Variants in TRAPPC10 observed in about 807,000 individuals in gnomAD.
TRAPPC10 encodes the protein trafficking protein particle complex subunit 10.
A neutral mutation model predicts 125.5 loss-of-function variants in TRAPPC10; 23 were observed. That is an observed-to-expected ratio of 0.18 (90% CI 0.13 to 0.26). TRAPPC10 has a LOEUF of 0.26. Ranked by LOEUF, TRAPPC10 falls within the 10% of genes least tolerant of loss-of-function variation. The pLI is 1.00. For missense variants in TRAPPC10, 1,123 were observed against 1,308.4 expected, an observed-to-expected ratio of 0.86 and a Z score of 2.19; for synonymous variants, 509 against 518.0, an observed-to-expected ratio of 0.98 and a Z score of 0.24.
At chr21:44,047,209 G>T (rs556350674) in intron 3 of TRAPPC10, among the ~76,000 whole-genome samples, 2 of 152,128 alleles carry the variant, frequency 1.3e-5, no homozygotes, top group South Asian at 2.1e-4. Flanking sequence ...TTGAGGCAGG[G>T]TGTTACTCTG....
At position 44,082,201 on chromosome 21, in the gene TRAPPC10, C is replaced by G. The variant is rs1297713977; in HGVS notation, c.1724-587C>G. Among the ~76,000 whole-genome samples the G allele has an allele frequency of 1.4e-4, 22 of 152,244 alleles. No individual in the cohort carries two copies. Among genetic ancestry groups the G allele is most frequent in the East Asian group, 1.9e-4 (1 of 5,186 alleles). ...GCCTTGTGTATTTTCTAGACAAAAC[C>G]AAGGTACTTACAGTTCGGTCAGAGA... On this transcript the variant is annotated intron_variant, in intron 13 of 22. Transcript: ENST00000291574. This position sits in a 1 kb window ranked among gnomAD's most constrained non-coding sequence, Gnocchi z 4.4.
In TRAPPC10 at chr21:44,044,696, C is replaced by T. The variant is rs1329247070; in HGVS notation, c.285+6769C>T. 6.1e-5 allele frequency among the ~76,000 whole-genome samples: 7 copies of T among 114,028 alleles called. No homozygotes were observed. In the East Asian group the frequency reaches 1.1e-3, roughly 18 times the overall value. 74.8% of individuals were successfully genotyped at this position (114,028 alleles called of 152,430 possible). Reference sequence around the variant, plus strand: ...TTTTTTTTTTTTTGAGACAGAGTTTCGCTCTTGTCCAGGCTGGAGTGCAGT... The same window carrying T: ...TTTTTTTTTTTTTGAGACAGAGTTTTGCTCTTGTCCAGGCTGGAGTGCAGT... On this transcript the variant is annotated intron_variant, in intron 3 of 22. Coordinates refer to ENST00000291574, the MANE Select transcript of TRAPPC10 (RefSeq NM_003274.5).
intron 2 of TRAPPC10, among the ~76,000 whole-genome samples, chr21:44,034,338 C>T (rs1162887663): frequency 2.8e-5 from 4 of 140,582 alleles, no homozygotes; most frequent in Non-Finnish European, 4.7e-5. Context: ...CCCAACCCCC[C>T]CCCCCACCCC....
intron 1 of TRAPPC10, among the ~76,000 whole-genome samples, chr21:44,030,105 A>C (rs1322314400): frequency 6.6e-6 from 1 of 152,238 alleles, no homozygotes; most frequent in African/African-American, 2.4e-5. Flanking sequence ...GACGAGTCTT[A>C]CTGTACGGCA....
chr21:44,037,890 C>T lies in TRAPPC10; in HGVS notation c.248C>T (p.Thr83Met), dbSNP rs775879199. 32 of 1,613,950 alleles carry T rather than the reference C, an allele frequency of 2.0e-5. No individual in the cohort carries two copies. The East Asian group carries it at 4.5e-4, about 22-fold the overall frequency. The part of the protein sequence containing the change: ...LPKEGNKALL[T>M]FPFLHIYWTE... ...AAAGAAGGAAACAAAGCTCTGCTCA[C>T]GTTTCCCTTCCTCCATATTTACTGG... Residue 83 changes from threonine (T) to methionine (M), a missense_variant, in exon 3 of 23, where the codon ACG (threonine) becomes ATG (methionine). Physicochemically the swap from Thr to Met is moderately conservative, Grantham distance 81. Transcript: ENST00000291574.
intron 1 of TRAPPC10, 60 bp downstream of exon 1, chr21:44,012,620 T>G (rs1445730768): frequency 2.8e-6 from 4 of 1,440,886 alleles, no homozygotes; most frequent in South Asian, 1.2e-5. Context: ...GCCCTGGCGT[T>G]ATGCACCCGG....
chr21:44,071,124 A>G (rs2036835626), intron 7 of TRAPPC10, among the ~76,000 whole-genome samples: 1 of 152,256 alleles, frequency 6.6e-6, no homozygotes, highest in East Asian at 1.9e-4. Flanking sequence ...AGCCCCATGC[A>G]CAAAGGAGGA....
rs199681431 is a variant in TRAPPC10 at position 44,019,064 on chromosome 21, CT to C, written c.67+6514del. ...CAGCAACGGCAGAAGATTACAGGGT[CT>C]TTTTTTTTTAAGACATGGTCTCACT... On this transcript the variant is annotated intron_variant, in intron 1 of 22. Transcript: ENST00000291574. Among the ~76,000 whole-genome samples, 213 of 148,714 alleles carry C rather than the reference CT, an allele frequency of 1.4e-3. 3 individuals are homozygous for C. Among genetic ancestry groups the C allele is most frequent in the Middle Eastern group, 6.9e-3 (2 of 290 alleles).
At chr21:44,056,995 T>C (rs2035644140) in intron 5 of TRAPPC10, among the ~76,000 whole-genome samples, 1 of 152,092 alleles carries the variant, frequency 6.6e-6, no homozygotes, top group Non-Finnish European at 1.5e-5. Context: ...GTTCAGAATT[T>C]AAAATGAGTA....
intron 2 of TRAPPC10, among the ~76,000 whole-genome samples, chr21:44,032,379 C>CTTTTTTTTT (rs1200011844): frequency 3.7e-5 from 4 of 108,472 alleles, no homozygotes; most frequent in East Asian, 2.6e-4. Context: ...CCATGGTTTT[C>CTTTTTTTTT]TTTTTTTTTT....
At chr21:44,048,029 C>G (rs2034978746) in intron 3 of TRAPPC10, among the ~76,000 whole-genome samples, 1 of 152,168 alleles carries the variant, frequency 6.6e-6, no homozygotes. Context: ...GTCTTGAGTT[C>G]CTCTGGTTTT....
At chr21:44,043,024 A>G (rs2034522790) in intron 3 of TRAPPC10, among the ~76,000 whole-genome samples, 2 of 151,980 alleles carry the variant, frequency 1.3e-5, no homozygotes, top group South Asian at 4.2e-4. Context: ...TTGAGGGTCT[A>G]ATTTTACTGT....
rs149149335 is a variant in TRAPPC10, at chr21:44,091,384, A to G, written c.2871-539A>G. Among the ~76,000 whole-genome samples, 921 of 152,226 alleles carry G rather than the reference A, an allele frequency of 6.1e-3. 44 individuals carry two copies. The highest frequency in any genetic ancestry group is 0.051 in the Admixed American group (773 of 15,280). ...CTTAATAAGGCTGGTCAGAAACTAT[A>G]TTCTTTCTTCCATTGCCTCACAGAA... On this transcript the variant is annotated intron_variant, in intron 18 of 22. Coordinates refer to ENST00000291574, the MANE Select transcript of TRAPPC10 (RefSeq NM_003274.5).
rs139544008 is a variant in TRAPPC10 at position 44,034,961 on chromosome 21, T to C, written c.149+2789T>C. Among the ~76,000 whole-genome samples the C allele has an allele frequency of 2.6e-3, 390 of 152,318 alleles. 5 individuals carry two copies. The highest frequency in any genetic ancestry group is 0.021 in the East Asian group (108 of 5,184). ...CACCCATACCTTGATTTCAACTTTC[T>C]GGCCTCATGAAACATGCAAGAATAA... On this transcript the variant is annotated intron_variant, in intron 2 of 22. Transcript: ENST00000291574.
At chr21:44,057,284 T>C (rs2035671779) in intron 5 of TRAPPC10, among the ~76,000 whole-genome samples, 1 of 152,032 alleles carries the variant, frequency 6.6e-6, no homozygotes, top group Admixed American at 6.6e-5. Context: ...TACTGAGCTG[T>C]AGTCTTCTCT....
chr21:44,028,318 T>C (rs983535684), intron 1 of TRAPPC10, among the ~76,000 whole-genome samples: 7 of 152,226 alleles, frequency 4.6e-5, no homozygotes, highest in Non-Finnish European at 8.8e-5. Flanking sequence ...CTGCCCCGCT[T>C]TCCCGGGGAT....
intron 3 of TRAPPC10, among the ~76,000 whole-genome samples, chr21:44,045,712 C>T (rs916637217): frequency 6.6e-6 from 1 of 151,954 alleles, no homozygotes; most frequent in African/African-American, 2.4e-5. Context: ...CCACCATGCC[C>T]AGCTAATTTT....
intron 2 of TRAPPC10, among the ~76,000 whole-genome samples, chr21:44,032,670 C>T (rs925266496): frequency 3.3e-5 from 5 of 152,252 alleles, no homozygotes; most frequent in Non-Finnish European, 7.3e-5. Flanking sequence ...GCATGAGCCA[C>T]TGTGCCCAGA....
chr21:44,029,138 G>C (rs566207746), intron 1 of TRAPPC10, among the ~76,000 whole-genome samples: 1 of 151,968 alleles, frequency 6.6e-6, no homozygotes, highest in Admixed American at 6.6e-5. Flanking sequence ...TCTGTCGCCC[G>C]GGCTGGAGTG....
Sources: allele counts gnomAD v4.1 joint callset (sites outside exome capture counted in the v4.1 genomes callset), GRCh38; gene constraint gnomAD v4.1.1; non-coding constraint Gnocchi (gnomAD v3.1); transcripts MANE v1.5; gene names NCBI Gene and HGNC (gene_info 2026-07-23, HGNC 2026-07-21).